Variants in MACROD2 observed in about 807,000 individuals in gnomAD.
MACROD2 encodes mono-ADP ribosylhydrolase 2, also known as ADP-ribose glycohydrolase MACROD2.
A neutral mutation model predicts 70.4 loss-of-function variants in MACROD2; 36 were observed. That is an observed-to-expected ratio of 0.51 (90% CI 0.39 to 0.68). The LOEUF (loss-of-function observed/expected upper bound fraction) is 0.68. Ranked by LOEUF, MACROD2 falls within the 30% of genes least tolerant of loss-of-function variation. The probability of loss-of-function intolerance (pLI) is 0.00; values close to 1 mark genes in which losing one functional copy is unlikely to be tolerated. For synonymous variants in MACROD2, 172 were observed against 178.8 expected, an observed-to-expected ratio of 0.96 and a Z score of 0.30; for missense variants, 496 against 538.4, an observed-to-expected ratio of 0.92 and a Z score of 0.78.
chr20:14,467,305 G>C (rs2084466545), intron 3 of MACROD2, among the ~76,000 whole-genome samples: 1 of 152,104 alleles, frequency 6.6e-6, no homozygotes, highest in Non-Finnish European at 1.5e-5. Flanking sequence ...AGCAATGAGC[G>C]AGGTTCCGTG....
chr20:15,978,012 T>C (rs980726423), intron 13 of MACROD2, among the ~76,000 whole-genome samples: 4 of 152,206 alleles, frequency 2.6e-5, no homozygotes, highest in African/African-American at 7.2e-5. Context: ...CTGGCATTTT[T>C]ATGGGATCAA....
intron 4 of MACROD2, among the ~76,000 whole-genome samples, chr20:14,679,217 G>A (rs1279234452): frequency 6.6e-6 from 1 of 152,194 alleles, no homozygotes; most frequent in African/African-American, 2.4e-5. Flanking sequence ...AACATAAAGA[G>A]ACATTTATTT....
chr20:14,202,959 A>G (rs1381389708), intron 3 of MACROD2, among the ~76,000 whole-genome samples: 1 of 152,108 alleles, frequency 6.6e-6, no homozygotes, highest in Non-Finnish European at 1.5e-5. Context: ...AGGCAGGAGA[A>G]TCACTTAAAC....
intron 4 of MACROD2, among the ~76,000 whole-genome samples, chr20:14,559,346 C>T (rs765542173): frequency 6.6e-6 from 1 of 151,542 alleles, no homozygotes; most frequent in Non-Finnish European, 1.5e-5. Context: ...ATTTATTTTA[C>T]ATAAAAACAT....
At chr20:15,657,259 T>C (rs2049745593) in intron 8 of MACROD2, among the ~76,000 whole-genome samples, 1 of 152,226 alleles carries the variant, frequency 6.6e-6, no homozygotes, top group African/African-American at 2.4e-5. Context: ...TAGGATGTTT[T>C]TAAATCACAG....
intron 3 of MACROD2, among the ~76,000 whole-genome samples, chr20:14,416,853 A>C (rs925695560): frequency 6.6e-6 from 1 of 152,186 alleles, no homozygotes; most frequent in African/African-American, 2.4e-5. Context: ...GGGAAAGATG[A>C]GGCCCATTTC....
intron 8 of MACROD2, among the ~76,000 whole-genome samples, chr20:15,760,204 A>G (rs1048028723): frequency 2.0e-5 from 3 of 152,224 alleles, no homozygotes; most frequent in Non-Finnish European, 4.4e-5. Context: ...GGCTTCACGA[A>G]AATGACCCAG....
chr20:15,297,184 G>A (rs2077598168), intron 6 of MACROD2, among the ~76,000 whole-genome samples: 2 of 152,266 alleles, frequency 1.3e-5, no homozygotes, highest in South Asian at 4.1e-4. Flanking sequence ...GCCCTTCTAA[G>A]TAGTCTGTAA....
chr20:15,734,491 G>A (rs578133278), intron 8 of MACROD2, among the ~76,000 whole-genome samples: 23 of 152,166 alleles, frequency 1.5e-4, no homozygotes, highest in Non-Finnish European at 2.8e-4. Flanking sequence ...ACTGTCACTA[G>A]AAGATTTCAT....
At chr20:14,944,752 T>TG (rs2074416921) in intron 5 of MACROD2, among the ~76,000 whole-genome samples, 1 of 152,154 alleles carries the variant, frequency 6.6e-6, no homozygotes. Context: ...TAATCACTGG[T>TG]GGGATCTTTC....
At chr20:15,989,613 A>G (rs896774366) in intron 15 of MACROD2, among the ~76,000 whole-genome samples, 5 of 152,134 alleles carry the variant, frequency 3.3e-5, no homozygotes, top group African/African-American at 1.2e-4. Flanking sequence ...TTAGTTATTA[A>G]AAAGTCTTGT....
intron 3 of MACROD2, among the ~76,000 whole-genome samples, chr20:14,340,043 A>G (rs1386871480): frequency 6.6e-6 from 1 of 152,222 alleles, no homozygotes; most frequent in Non-Finnish European, 1.5e-5. Context: ...TGAGGTTATC[A>G]TGAGTTACTT....
At chr20:15,959,252 A>G (rs1293773341) in intron 12 of MACROD2, among the ~76,000 whole-genome samples, 4 of 152,216 alleles carry the variant, frequency 2.6e-5, no homozygotes, top group African/African-American at 9.7e-5. Flanking sequence ...CATTATACAA[A>G]TACCTCTGTA....
intron 5 of MACROD2, among the ~76,000 whole-genome samples, chr20:14,911,026 C>T (rs1489571876): frequency 6.6e-6 from 1 of 152,152 alleles, no homozygotes. Context: ...AACTCTATCT[C>T]ATTTATTTAG....
intron 4 of MACROD2, among the ~76,000 whole-genome samples, chr20:14,624,525 A>G (rs943448563): frequency 7.2e-5 from 11 of 152,326 alleles, no homozygotes; most frequent in African/African-American, 2.6e-4. Context: ...TAGGGTTAGG[A>G]GCAAAGACAT....
At chr20:15,797,390 C>G (rs1347904577) in intron 8 of MACROD2, among the ~76,000 whole-genome samples, 1 of 152,190 alleles carries the variant, frequency 6.6e-6, no homozygotes. Flanking sequence ...GCTGGGATTA[C>G]AGGCGTGAGC....
intron 5 of MACROD2, among the ~76,000 whole-genome samples, chr20:14,952,594 A>G (rs964450213): frequency 1.3e-5 from 2 of 152,150 alleles, no homozygotes; most frequent in African/African-American, 2.4e-5. Flanking sequence ...AGCAACTCAC[A>G]TTAGTATTGA....
intron 8 of MACROD2, 38 bp from the exon 9 acceptor site, chr20:15,862,706 AT>A (rs199683948): frequency 5.2e-5 from 80 of 1,534,230 alleles, no homozygotes; most frequent in Middle Eastern, 1.7e-4. Context: ...CAATTGCCAT[AT>A]TTTTTTTCAC....
chr20:14,750,622 A>G (rs140334722), intron 5 of MACROD2, among the ~76,000 whole-genome samples: 9 of 151,794 alleles, frequency 5.9e-5, no homozygotes, highest in African/African-American at 1.9e-4. Context: ...ACCACACCCA[A>G]ATAATTTTTG....
Sources: allele counts gnomAD v4.1 joint callset (sites outside exome capture counted in the v4.1 genomes callset), GRCh38; gene constraint gnomAD v4.1.1; transcripts MANE v1.5; gene names NCBI Gene and HGNC (gene_info 2026-07-23, HGNC 2026-07-21).